TUSC2: variants seen among roughly 807,000 people sequenced by gnomAD.
TUSC2 encodes tumor suppressor 2, mitochondrial calcium regulator, also known as tumor suppressor candidate 2.
Under a neutral mutation model 11.5 loss-of-function variants are expected in TUSC2, and 7 were observed. The ratio of observed to expected loss-of-function variants is 0.61; its 90% CI spans 0.35 to 1.14. The LOEUF (loss-of-function observed/expected upper bound fraction) is 1.14, where lower values mean the gene tolerates loss of function less well. Ranked by LOEUF, TUSC2 falls within the 50% of genes most tolerant of loss-of-function variation. The pLI is 0.03. For missense variants in TUSC2, 132 were observed against 155.0 expected (o/e 0.85, Z 0.79); for synonymous variants, 61 against 64.1 (o/e 0.95, Z 0.23).
chr3:50,327,370 G>C (rs1702802897), intron 1 of TUSC2: 2 of 397,732 alleles, frequency 5.0e-6, no homozygotes, highest in South Asian at 3.6e-5. Context: ...GCCCACTAGA[G>C]CCAAGCCAAT....
rs1344611675 is a variant in TUSC2 at position 50,325,981 on chromosome 3, C to T, written c.*140G>A. On this transcript the variant is annotated 3_prime_UTR_variant, in exon 3 of 3. Transcript: ENST00000232496. This position sits in a 1 kb window ranked among gnomAD's most constrained non-coding sequence, Gnocchi z 5.1. The stretch of plus-strand genomic sequence containing the variant: ...ACCAATACTGTGGGACCGACCCGCT[C>T]ACAGCTGAAGGTTATGGGCCAACAG... 17 of 1,084,332 alleles carry T rather than the reference C, an allele frequency of 1.6e-5. No homozygotes were observed. Among genetic ancestry groups the T allele is most frequent in the Non-Finnish European group, 2.3e-5 (17 of 744,186 alleles). 67.2% of individuals were successfully genotyped at this position (1,084,332 alleles called of 1,614,324 possible). A position where few individuals can be genotyped will look rare whatever the true frequency, so the allele number is the denominator to read the frequency against.
rs1266647479 is a variant in TUSC2, at chr3:50,325,381, C to T, written c.*740G>A. The T allele has an allele frequency of 6.6e-6, 1 of 152,116 alleles. No homozygotes were observed. The highest frequency in any genetic ancestry group is 1.5e-5 in the Non-Finnish European group (1 of 68,130). The allele number at this position is 152,116 out of a possible 1,614,324, so 9.4% of individuals were successfully genotyped here. ...AACTCCCCATAGGCACAAGCATCCGCAGCCTGTCCTGACCCCAGCCTGCAC... is the reference window on the plus strand; with the variant it reads ...AACTCCCCATAGGCACAAGCATCCGTAGCCTGTCCTGACCCCAGCCTGCAC... On this transcript the variant is annotated 3_prime_UTR_variant, in exon 3 of 3. Coordinates refer to ENST00000232496, the MANE Select transcript of TUSC2 (RefSeq NM_007275.3). The surrounding 1 kb of genome is among the most constrained non-coding windows in gnomAD (Gnocchi z 5.1).
rs1553717211 is a variant in TUSC2, at chr3:50,325,126, T to C, written c.*995A>G. ...CACATTATAAGTATTCCTTTTATGG[T>C]TTTTCCCTCCTTTCTTTCCCTACCC... On this transcript the variant is annotated 3_prime_UTR_variant, in exon 3 of 3. Coordinates refer to ENST00000232496, the MANE Select transcript of TUSC2 (RefSeq NM_007275.3). This position sits in a 1 kb window ranked among gnomAD's most constrained non-coding sequence, Gnocchi z 5.1. The C allele has an allele frequency of 6.6e-6, 1 of 152,446 alleles. No homozygotes were observed. Among genetic ancestry groups the C allele is most frequent in the Non-Finnish European group, 1.5e-5 (1 of 68,016 alleles). 9.4% of individuals were successfully genotyped at this position (152,446 alleles called of 1,614,324 possible). A position where few individuals can be genotyped will look rare whatever the true frequency, so the allele number is the denominator to read the frequency against.
In TUSC2 at chr3:50,324,940, G is replaced by A. The variant is rs11549673; in HGVS notation, c.*1181C>T. 0.059 allele frequency: 9,051 copies of A among 152,328 alleles called. 380 individuals are homozygous for A. The highest frequency in any genetic ancestry group is 0.086 in the Non-Finnish European group (5,866 of 68,004). 9.4% of individuals were successfully genotyped at this position (152,328 alleles called of 1,614,324 possible). A position where few individuals can be genotyped will look rare whatever the true frequency, so the allele number is the denominator to read the frequency against. ...ATCTACAAATCATTTTATTGAAATT[G>A]AACAAATAACACAACAGTCTTCCTA... On this transcript the variant is annotated 3_prime_UTR_variant, in exon 3 of 3. Transcript: ENST00000232496.
intron 1 of TUSC2, among the ~76,000 whole-genome samples, chr3:50,327,650 C>T (rs1702806717): frequency 6.6e-6 from 1 of 152,118 alleles, no homozygotes; most frequent in African/African-American, 2.4e-5. Context: ...CAGGCTGAGC[C>T]GGAAGGGATG....
chr3:50,326,600 T>C, intron 1 of TUSC2, 123 bp from the exon 2 acceptor site: 1 of 1,420,670 alleles, frequency 7.0e-7, no homozygotes, highest in South Asian at 1.4e-5. Flanking sequence ...GAGGATAATA[T>C]GCCTGGAGAA....
Position 50,326,397 on chromosome 3 carries a change from C to T in TUSC2, c.227G>A (p.Arg76Gln), listed in dbSNP as rs782248517. 1.2e-5 allele frequency: 20 copies of T among 1,613,950 alleles called. No homozygotes were observed. Among genetic ancestry groups the T allele is most frequent in the East Asian group, 2.2e-5 (1 of 44,868 alleles). ...ETIVTKNGQK[R>Q]AKLRRVHKNL... is the part of the protein sequence containing the mutation. ...CTTATGCACTCGCCTCAGCTTGGCCCGCTTCTGCCCGTTCTTGGTGACGAT... is the reference window on the plus strand; with the variant it reads ...CTTATGCACTCGCCTCAGCTTGGCCTGCTTCTGCCCGTTCTTGGTGACGAT... Residue 76 changes from arginine to glutamine, a missense_variant, in exon 2 of 3, where the codon CGG (arginine) becomes CAG (glutamine). Around this residue, in one of 3 missense-constraint regions of TUSC2, gnomAD observed 65 missense variants for 94.0 expected, o/e 0.69. Transcript: ENST00000232496.
At chr3:50,326,267 C>A in intron 2 of TUSC2, 81 bp from the exon 3 acceptor site, 1 of 1,611,774 alleles carries the variant, frequency 6.2e-7, no homozygotes, top group Non-Finnish European at 8.5e-7. Context: ...CAGATCCCCC[C>A]GCAAAAGCCC....
rs138051639 is a variant in TUSC2 at position 50,326,420 on chromosome 3, G to T, written c.204C>A (p.Ile68=). 5 of 1,613,922 alleles carry T rather than the reference G, an allele frequency of 3.1e-6. No homozygotes were observed. The highest frequency in any genetic ancestry group is 1.7e-6 in the Non-Finnish European group (2 of 1,180,000). The change falls in exon 2 of 3, where the codon ATC becomes ATA. Residue 68 remains isoleucine (I), a synonymous_variant. Coordinates refer to ENST00000232496, the MANE Select transcript of TUSC2 (RefSeq NM_007275.3). ...DLAHEFYEET[I]VTKNGQKRAK... is the part of the protein sequence containing the mutation. ...CCCGCTTCTGCCCGTTCTTGGTGAC[G>T]ATTGTCTCCTCATAGAACTCGTGAG... is the stretch of plus-strand genomic sequence containing the variant.
intron 1 of TUSC2, chr3:50,327,024 ACACCAGAGCACAC>A (rs1702800353): frequency 2.7e-6 from 1 of 374,916 alleles, no homozygotes; most frequent in African/African-American, 2.1e-5. Context: ...AAGAGAGCCC[ACACCAGAGCACAC>A]CATCCAGGCA....
rs1232572014 is a variant in TUSC2 at position 50,328,119 on chromosome 3, G to T, written c.-20C>A. 7.3e-7 allele frequency: 1 copy of T among 1,366,012 alleles called. No individual in the cohort carries two copies. The highest frequency in any genetic ancestry group is 3.6e-5 in the Admixed American group (1 of 27,724). 84.6% of individuals were successfully genotyped at this position (1,366,012 alleles called of 1,614,324 possible). On this transcript the variant is annotated 5_prime_UTR_variant, in exon 1 of 3. Transcript: ENST00000232496. ...GCCCATGTCAGGGCCGCCGGCGCAT[G>T]GCGGGCCCCGTGGCCGCTCTGCTCA... is the stretch of plus-strand genomic sequence containing the variant.
chr3:50,326,784 A>C (rs1553717445), intron 1 of TUSC2, among the ~76,000 whole-genome samples: 1 of 151,920 alleles, frequency 6.6e-6, no homozygotes, highest in African/African-American at 2.4e-5. Context: ...CACCCTGCTA[A>C]TTTTTTGTAT....
rs147821922 is a variant in TUSC2 at position 50,325,017 on chromosome 3, C to A, written c.*1104G>T. 10 of 152,732 alleles carry A rather than the reference C, an allele frequency of 6.5e-5. No individual in the cohort carries two copies. In the East Asian group the frequency reaches 1.9e-3, roughly 29 times the overall value. 9.5% of individuals were successfully genotyped at this position (152,732 alleles called of 1,614,324 possible). A position where few individuals can be genotyped will look rare whatever the true frequency, so the allele number is the denominator to read the frequency against. On this transcript the variant is annotated 3_prime_UTR_variant, in exon 3 of 3. Transcript: ENST00000232496. The surrounding 1 kb of genome is among the most constrained non-coding windows in gnomAD (Gnocchi z 5.1). ...TTTCCCACATTATAGAAGCACAGAG[C>A]TTGCACAGTACTTAAAAAAAAAGTC...
Position 50,325,876 on chromosome 3 carries a change from T to C in TUSC2, c.*245A>G. 3.5e-6 allele frequency: 2 copies of C among 570,678 alleles called. No individual in the cohort carries two copies. Among genetic ancestry groups the C allele is most frequent in the South Asian group, 4.2e-5 (2 of 47,348 alleles). 35.4% of individuals were successfully genotyped at this position (570,678 alleles called of 1,614,324 possible). ...TGCTGTGCTGCTTGCAGGGGTGGCT[T>C]GGGAGAGTGGGGTGCTAACTCTGCC... On this transcript the variant is annotated 3_prime_UTR_variant, in exon 3 of 3. Transcript: ENST00000232496. This position sits in a 1 kb window ranked among gnomAD's most constrained non-coding sequence, Gnocchi z 5.1.
In TUSC2 at chr3:50,325,918, C is replaced by T; in HGVS notation, c.*203G>A. 1.5e-6 allele frequency: 1 copy of T among 657,318 alleles called. No homozygotes were observed. Among genetic ancestry groups the T allele is most frequent in the East Asian group, 2.8e-5 (1 of 35,938 alleles). 40.7% of individuals were successfully genotyped at this position (657,318 alleles called of 1,614,324 possible). ...AACTCTGCCATTAGCCTTCACCACC[C>T]ACCAACCACCTCTTGTCCACACACA... On this transcript the variant is annotated 3_prime_UTR_variant, in exon 3 of 3. Transcript: ENST00000232496. This position sits in a 1 kb window ranked among gnomAD's most constrained non-coding sequence, Gnocchi z 5.1.
At position 50,328,077 on chromosome 3, in the gene TUSC2, G is replaced by A. The variant is rs1553717650; in HGVS notation, c.23C>T (p.Ala8Val). Residue 8 changes from alanine (A) to valine (V), a missense_variant, in exon 1 of 3, where the codon GCT (alanine) becomes GTT (valine). This residue lies in a region of TUSC2 where 17 missense variants were observed against 33.1 expected (regional missense o/e 0.51). Coordinates refer to ENST00000232496, the MANE Select transcript of TUSC2 (RefSeq NM_007275.3). ...CGAGGCGAAGGGCCACAGGCCCCGA[G>A]CTTTGGACCCGCTGGCGCCCATGTC... MGASGSK[A>V]RGLWPFASAA... 4 of 1,437,630 alleles carry A rather than the reference G, an allele frequency of 2.8e-6. No individual in the cohort carries two copies. The highest frequency in any genetic ancestry group is 3.0e-5 in the African/African-American group (2 of 66,358). 89.1% of individuals were successfully genotyped at this position (1,437,630 alleles called of 1,614,324 possible).
rs1553717675 is a variant in TUSC2, at chr3:50,328,146, A to G, written c.-47T>C. The G allele has an allele frequency of 3.7e-6, 5 of 1,344,226 alleles. No homozygotes were observed. Among genetic ancestry groups the G allele is most frequent in the Middle Eastern group, 2.8e-4 (1 of 3,580 alleles). 83.3% of individuals were successfully genotyped at this position (1,344,226 alleles called of 1,614,324 possible). ...CGGGCCCCGTGGCCGCTCTGCTCAC[A>G]CCGCAGTCCGCACTACCATAACCTG... is the stretch of plus-strand genomic sequence containing the variant. On this transcript the variant is annotated 5_prime_UTR_variant, in exon 1 of 3. Coordinates refer to ENST00000232496, the MANE Select transcript of TUSC2 (RefSeq NM_007275.3).
rs1702770428 is a variant in TUSC2 at position 50,325,212 on chromosome 3, G to C, written c.*909C>G. 1 of 152,504 alleles carries C rather than the reference G, an allele frequency of 6.6e-6. No individual in the cohort carries two copies. Among genetic ancestry groups the C allele is most frequent in the Non-Finnish European group, 1.5e-5 (1 of 68,040 alleles). The allele number at this position is 152,504 out of a possible 1,614,324, so 9.4% of individuals were successfully genotyped here. A position where few individuals can be genotyped will look rare whatever the true frequency, so the allele number is the denominator to read the frequency against. ...GGGGTGGGGGTTACTGTAAGGGAGG[G>C]GGTGGTAGGCTACTCATAACTACTG... On this transcript the variant is annotated 3_prime_UTR_variant, in exon 3 of 3. Transcript: ENST00000232496. This position sits in a 1 kb window ranked among gnomAD's most constrained non-coding sequence, Gnocchi z 5.1.
Position 50,328,127 on chromosome 3 carries a change from C to T in TUSC2, c.-28G>A, listed in dbSNP as rs1702815982. ...CAGGGCCGCCGGCGCATGGCGGGCCCCGTGGCCGCTCTGCTCACACCGCAG... is the reference window on the plus strand; with the variant it reads ...CAGGGCCGCCGGCGCATGGCGGGCCTCGTGGCCGCTCTGCTCACACCGCAG... On this transcript the variant is annotated 5_prime_UTR_variant, in exon 1 of 3. Coordinates refer to ENST00000232496, the MANE Select transcript of TUSC2 (RefSeq NM_007275.3). 11 of 1,364,910 alleles carry T rather than the reference C, an allele frequency of 8.1e-6. No individual in the cohort carries two copies. The highest frequency in any genetic ancestry group is 1.0e-5 in the Non-Finnish European group (11 of 1,060,672). 84.5% of individuals were successfully genotyped at this position (1,364,910 alleles called of 1,614,324 possible).
Sources: allele counts gnomAD v4.1 joint callset (sites outside exome capture counted in the v4.1 genomes callset), GRCh38; gene constraint gnomAD v4.1.1; regional missense constraint gnomAD v4.1.1; non-coding constraint Gnocchi (gnomAD v3.1); transcripts MANE v1.5; gene names NCBI Gene and HGNC (gene_info 2026-07-23, HGNC 2026-07-21).